Variants in AKT2 observed in about 807,000 individuals in gnomAD.
The protein encoded by AKT2 is AKT serine/threonine kinase 2.
AKT2 carries 16 observed loss-of-function variants against 58.6 expected under a neutral mutation model. The observed-to-expected ratio is 0.27, with a 90% confidence interval of 0.18 to 0.41. The LOEUF (loss-of-function observed/expected upper bound fraction) is 0.41. Among genes scored for constraint, AKT2 ranks in the 10% least tolerant of loss-of-function variants. AKT2 has a pLI of 1.00. For synonymous variants in AKT2, 253 were observed against 254.0 expected (o/e 1.00, Z 0.04); for missense variants, 438 against 661.0 (o/e 0.66, Z 3.70).
chr19:40,281,532 A>C (rs899758105), intron 1 of AKT2, among the ~76,000 whole-genome samples: 2 of 150,906 alleles, frequency 1.3e-5, no homozygotes, highest in East Asian at 3.9e-4. Flanking sequence ...GACCTCTGAA[A>C]AGACTCCAGT....
At position 40,237,995 on chromosome 19, in the gene AKT2, G is replaced by T. The variant is rs763951605; in HGVS notation, c.805C>A (p.Arg269=). 1.2e-6 allele frequency: 2 copies of T among 1,613,526 alleles called. No individual in the cohort carries two copies. The highest frequency in any genetic ancestry group is 1.7e-6 in the Non-Finnish European group (2 of 1,179,848). The change falls in exon 9 of 14, where the codon CGG becomes AGG. Residue 269 remains arginine (R), a synonymous_variant. Coordinates refer to ENST00000392038, the MANE Select transcript of AKT2 (RefSeq NM_001626.6). This position sits in a 1 kb window ranked among gnomAD's most constrained non-coding sequence, Gnocchi z 4.5. ...IVSALEYLHS[R]DVVYRDIKLE... ...TTGATGTCGCGGTATACCACGTCCC[G>T]CGAGTGCAAGTACTCAAGAGCCGAG...
chr19:40,249,200 G>A (rs917044020), intron 4 of AKT2, among the ~76,000 whole-genome samples: 1 of 152,132 alleles, frequency 6.6e-6, no homozygotes, highest in African/African-American at 2.4e-5. Flanking sequence ...GGGGGAACAG[G>A]CTCCAAATTT....
intron 1 of AKT2, among the ~76,000 whole-genome samples, chr19:40,275,763 C>CTGG (rs2077303127): frequency 6.0e-4 from 1 of 1,668 alleles, no homozygotes; most frequent in Admixed American, 5.6e-3. Context: ...CTTTGGGAGG[C>CTGG]TGGGGGGGGG....
At chr19:40,277,352 G>A (rs368447873) in intron 1 of AKT2, among the ~76,000 whole-genome samples, 1 of 152,106 alleles carries the variant, frequency 6.6e-6, no homozygotes, top group South Asian at 2.1e-4. Flanking sequence ...CCTCCCACCC[G>A]CCAAGGCCTT....
At chr19:40,277,198 C>T (rs2077342642) in intron 1 of AKT2, among the ~76,000 whole-genome samples, 1 of 152,182 alleles carries the variant, frequency 6.6e-6, no homozygotes, top group Non-Finnish European at 1.5e-5. Flanking sequence ...CAGAGCCATG[C>T]AGTGGCAGCT....
intron 2 of AKT2, 81 bp downstream of exon 2, chr19:40,265,141 C>CGCCTCT (rs1335810973): frequency 1.9e-6 from 3 of 1,558,670 alleles, no homozygotes; most frequent in Admixed American, 3.8e-5. Flanking sequence ...TAAGACCCTC[C>CGCCTCT]GCCTCTGCCT....
At chr19:40,276,867 A>T (rs565805560) in intron 1 of AKT2, among the ~76,000 whole-genome samples, 5 of 152,038 alleles carry the variant, frequency 3.3e-5, no homozygotes, top group Admixed American at 6.5e-5. Flanking sequence ...AAATTGTTTT[A>T]AAAAAATTAG....
chr19:40,239,114 G>T, intron 7 of AKT2, 141 bp from the exon 8 acceptor site: 1 of 710,980 alleles, frequency 1.4e-6, no homozygotes, highest in South Asian at 1.8e-5. Flanking sequence ...GCCATATGGG[G>T]TTCACATACC....
In AKT2 at chr19:40,234,012, AGAC is replaced by A; in HGVS notation, c.1367-64_1367-62del. ...AGGAGAGGGCCTGGGACACCTGCCC[AGAC>A]TCCCTGGGGAAACGGCCCCAGCTGG... On this transcript the variant is annotated intron_variant, in intron 13 of 13. Coordinates refer to ENST00000392038, the MANE Select transcript of AKT2 (RefSeq NM_001626.6). The surrounding 1 kb of genome is among the most constrained non-coding windows in gnomAD (Gnocchi z 4.7). 6.5e-7 allele frequency: 1 copy of A among 1,549,538 alleles called. No homozygotes were observed. Among genetic ancestry groups the A allele is most frequent in the Non-Finnish European group, 8.8e-7 (1 of 1,137,480 alleles).
chr19:40,277,223 C>T (rs1266456129), intron 1 of AKT2, among the ~76,000 whole-genome samples: 1 of 152,144 alleles, frequency 6.6e-6, no homozygotes, highest in Non-Finnish European at 1.5e-5. Context: ...TTACTGCTGT[C>T]ACTACTTGGT....
chr19:40,246,117 C>T lies in AKT2; in HGVS notation c.288-3430G>A, dbSNP rs1033302508. On this transcript the variant is annotated intron_variant, in intron 4 of 13. Coordinates refer to ENST00000392038, the MANE Select transcript of AKT2 (RefSeq NM_001626.6). ...AAAAAAAAAAAAAAAAAGCAGGGGC[C>T]GGGGACAGGGCAGGAGCCCATTCCA... Among the ~76,000 whole-genome samples the T allele has an allele frequency of 5.4e-5, 8 of 149,432 alleles. No homozygotes were observed. The East Asian group carries it at 5.9e-4, about 11-fold the overall frequency.
chr19:40,242,634 G>A lies in AKT2; in HGVS notation c.341C>T (p.Ala114Val), dbSNP rs937810724. The A allele has an allele frequency of 2.5e-6, 4 of 1,613,368 alleles. No individual in the cohort carries two copies. The highest frequency in any genetic ancestry group is 2.2e-5 in the East Asian group (1 of 44,866). ...QMVANSLKQR[A>V]PGEDPMDYKC... ...GTAGTCCATGGGGTCCTCGCCTGGG[G>A]CCCGCTGCTTGAGGCTGTTGGCGAC... is the stretch of plus-strand genomic sequence containing the variant. The change falls in exon 5 of 14, where the codon GCC (alanine) becomes GTC (valine). Residue 114 changes from alanine (A) to valine (V), a missense_variant. Coordinates refer to ENST00000392038, the MANE Select transcript of AKT2 (RefSeq NM_001626.6). The surrounding 1 kb of genome is among the most constrained non-coding windows in gnomAD (Gnocchi z 4.3).
chr19:40,237,869 G>A lies in AKT2; in HGVS notation c.831+100C>T, dbSNP rs561876901. 1 of 1,539,984 alleles carries A rather than the reference G, an allele frequency of 6.5e-7. No individual in the cohort carries two copies. Among genetic ancestry groups the A allele is most frequent in the Non-Finnish European group, 8.8e-7 (1 of 1,137,150 alleles). ...CCACCACCCTGGACCTTGGTGGGGA[G>A]CCTGGCGAATGAGGGCAGAAGCTCA... On this transcript the variant is annotated intron_variant, in intron 9 of 13. Coordinates refer to ENST00000392038, the MANE Select transcript of AKT2 (RefSeq NM_001626.6). The surrounding 1 kb of genome is among the most constrained non-coding windows in gnomAD (Gnocchi z 4.5).
chr19:40,234,024 GA>G lies in AKT2; in HGVS notation c.1367-74del. On this transcript the variant is annotated intron_variant, in intron 13 of 13. Transcript: ENST00000392038. This position sits in a 1 kb window ranked among gnomAD's most constrained non-coding sequence, Gnocchi z 4.7. ...GGGACACCTGCCCAGACTCCCTGGG[GA>G]AACGGCCCCAGCTGGCGGGGGCTGC... 6.6e-7 allele frequency: 1 copy of G among 1,506,058 alleles called. No homozygotes were observed. The allele number at this position is 1,506,058 out of a possible 1,614,324, so 93.3% of individuals were successfully genotyped here. A position where few individuals can be genotyped will look rare whatever the true frequency, so the allele number is the denominator to read the frequency against.
chr19:40,271,197 G>GTACA (rs546879870), intron 1 of AKT2, among the ~76,000 whole-genome samples: 61 of 133,612 alleles, frequency 4.6e-4, no homozygotes, highest in African/African-American at 1.7e-3. Context: ...AAAAACATAC[G>GTACA]TACATACATA....
chr19:40,239,682 T>A lies in AKT2; in HGVS notation c.639+363A>T, dbSNP rs1340983406. The A allele has an allele frequency of 2.0e-5, 8 of 405,042 alleles. No individual in the cohort carries two copies. The East Asian group carries it at 4.6e-4, about 23-fold the overall frequency. The allele number at this position is 405,042 out of a possible 1,614,324, so 25.1% of individuals were successfully genotyped here. A position where few individuals can be genotyped will look rare whatever the true frequency, so the allele number is the denominator to read the frequency against. The stretch of plus-strand genomic sequence containing the variant: ...TGACAGACAACACAATGCTAACACA[T>A]CTGCTTCTATGAGCATATCTGAAAA... On this transcript the variant is annotated intron_variant, in intron 7 of 13. Transcript: ENST00000392038.
chr19:40,283,834 A>G (rs1332404391), intron 1 of AKT2, among the ~76,000 whole-genome samples: 1 of 152,194 alleles, frequency 6.6e-6, no homozygotes, highest in Non-Finnish European at 1.5e-5. Context: ...CTATGCAAAG[A>G]GGAACAGCTG....
chr19:40,230,698 T>C lies in AKT2; in HGVS notation c.*3174A>G, dbSNP rs114414158. 1,585 of 218,524 alleles carry C rather than the reference T, an allele frequency of 7.3e-3. 17 individuals carry two copies. The highest frequency in any genetic ancestry group is 0.033 in the African/African-American group (1,472 of 44,428). The allele number at this position is 218,524 out of a possible 1,614,324, so 13.5% of individuals were successfully genotyped here. A position where few individuals can be genotyped will look rare whatever the true frequency, so the allele number is the denominator to read the frequency against. ...CTTATACTCCTGCTTTGCTGTCTTT[T>C]TTAATAGCATGTATCATGTTTTTTT... On this transcript the variant is annotated 3_prime_UTR_variant, in exon 14 of 14. Coordinates refer to ENST00000392038, the MANE Select transcript of AKT2 (RefSeq NM_001626.6).
At chr19:40,270,286 C>A (rs915108459) in intron 1 of AKT2, among the ~76,000 whole-genome samples, 2 of 152,158 alleles carry the variant, frequency 1.3e-5, no homozygotes, top group African/African-American at 4.8e-5. Context: ...AATGTCAGCA[C>A]GACAAAGGCA....
Sources: allele counts gnomAD v4.1 joint callset (sites outside exome capture counted in the v4.1 genomes callset), GRCh38; gene constraint gnomAD v4.1.1; non-coding constraint Gnocchi (gnomAD v3.1); transcripts MANE v1.5; gene names NCBI Gene and HGNC (gene_info 2026-07-23, HGNC 2026-07-21).